DNASE1: variants seen among roughly 807,000 people sequenced by gnomAD.
The protein encoded by DNASE1 is deoxyribonuclease 1.
A neutral mutation model predicts 33.9 loss-of-function variants in DNASE1; 40 were observed. The ratio of observed to expected loss-of-function variants is 1.18; its 90% CI spans 0.92 to 1.54. The LOEUF (loss-of-function observed/expected upper bound fraction) is 1.54. DNASE1 is among the 40% of genes most tolerant of loss of function. The probability of loss-of-function intolerance (pLI) is 0.00; values close to 1 mark genes in which losing one functional copy is unlikely to be tolerated. For synonymous variants in DNASE1, 216 were observed against 160.0 expected (o/e 1.35, Z -2.64); for missense variants, 518 against 372.6 (o/e 1.39, Z -3.21).
At chr16:3,658,780 C>A, downstream of DNASE1, 1 of 1,612,874 alleles carries the variant, frequency 6.2e-7, no homozygotes, top group Non-Finnish European at 8.5e-7. Context: ...TCATCCTAAG[C>A]TGCTGCACTC....
downstream of DNASE1, chr16:3,662,332 C>T: frequency 1.5e-6 from 1 of 674,944 alleles, no homozygotes. Flanking sequence ...AGATACTGTG[C>T]CCGAGGGGCT....
upstream of DNASE1, chr16:3,652,354 C>T (rs888325454): frequency 6.6e-6 from 1 of 152,342 alleles, no homozygotes; most frequent in African/African-American, 2.4e-5. Flanking sequence ...CAGTGGCCGC[C>T]CTCTAGCTTT....
intron 1 of DNASE1, among the ~76,000 whole-genome samples, chr16:3,614,913 C>G (rs752745720): frequency 6.6e-6 from 1 of 152,166 alleles, no homozygotes; most frequent in African/African-American, 2.4e-5. Flanking sequence ...ATTTAAATCT[C>G]TTAGAGTCCT....
intron 1 of DNASE1, among the ~76,000 whole-genome samples, chr16:3,617,084 G>A (rs1009021669): frequency 3.9e-5 from 6 of 152,026 alleles, no homozygotes; most frequent in South Asian, 2.1e-4. Flanking sequence ...GCTCACCCCT[G>A]TAATCCCAGC....
chr16:3,626,389 G>A (rs1322736704), intron 1 of DNASE1, among the ~76,000 whole-genome samples: 1 of 152,126 alleles, frequency 6.6e-6, no homozygotes, highest in African/African-American at 2.4e-5. Context: ...TCCTGTTTGA[G>A]CCATGGTTAT....
intron 1 of DNASE1, among the ~76,000 whole-genome samples, chr16:3,646,163 C>A (rs980783923): frequency 6.6e-6 from 1 of 152,272 alleles, no homozygotes; most frequent in South Asian, 2.1e-4. Context: ...GTCCAAGTGC[C>A]ACCTGGATGC....
chr16:3,632,182 A>G (rs1196165722), intron 1 of DNASE1, among the ~76,000 whole-genome samples: 1 of 152,198 alleles, frequency 6.6e-6, no homozygotes, highest in Non-Finnish European at 1.5e-5. Flanking sequence ...AGGAATGTGT[A>G]TCCTGCTGCT....
intron 1 of DNASE1, among the ~76,000 whole-genome samples, chr16:3,615,364 C>T (rs907245538): frequency 3.3e-5 from 5 of 152,160 alleles, no homozygotes; most frequent in Admixed American, 3.3e-4. Context: ...CAATGGCAGC[C>T]ACCTTGTCCT....
chr16:3,649,679 A>G (rs2042274180), intron 1 of DNASE1, among the ~76,000 whole-genome samples: 1 of 152,228 alleles, frequency 6.6e-6, no homozygotes, highest in Non-Finnish European at 1.5e-5. Context: ...AATTATTTTA[A>G]TAGTAAGCCA....
intron 1 of DNASE1, among the ~76,000 whole-genome samples, chr16:3,628,185 T>A (rs2041581464): frequency 6.6e-6 from 1 of 152,158 alleles, no homozygotes; most frequent in South Asian, 2.1e-4. Flanking sequence ...AGGTATTTTA[T>A]TCTTTTTAAT....
chr16:3,661,982 C>A, downstream of DNASE1: 3 of 1,598,112 alleles, frequency 1.9e-6, no homozygotes, highest in Non-Finnish European at 2.6e-6. Context: ...GGAGCGTGGC[C>A]TCACCTGGGG....
intron 1 of DNASE1, among the ~76,000 whole-genome samples, chr16:3,628,519 T>G (rs1264984053): frequency 1.3e-5 from 2 of 152,168 alleles, no homozygotes; most frequent in Non-Finnish European, 2.9e-5. Flanking sequence ...AGTCATTCAC[T>G]ATTGAGTATG....
chr16:3,613,908 A>ATTTTTT lies in DNASE1; in HGVS notation c.-1359+1920_-1359+1925dup, dbSNP rs200976238. 2.6e-3 allele frequency among the ~76,000 whole-genome samples: 289 copies of ATTTTTT among 113,106 alleles called. 1 individual carries two copies. The highest frequency in any genetic ancestry group is 6.0e-3 in the African/African-American group (161 of 26,736). 74.2% of individuals were successfully genotyped at this position (113,106 alleles called of 152,430 possible). On this transcript the variant is annotated intron_variant and NMD_transcript_variant, in intron 1 of 11. Coordinates refer to the DNASE1 transcript ENST00000570769. The stretch of plus-strand genomic sequence containing the variant: ...AGGCGCCCGCAACCGCGCCTGGCTA[A>ATTTTTT]TTTTTTTTTTTTTTTTTTTTTTTGG...
At chr16:3,641,180 A>G, upstream of DNASE1, 1 of 383,578 alleles carries the variant, frequency 2.6e-6, no homozygotes. Flanking sequence ...GGCCCTGACC[A>G]GCAGCCACCC....
At chr16:3,640,232 T>A (rs981436854), upstream of DNASE1, among the ~76,000 whole-genome samples, 1 of 152,196 alleles carries the variant, frequency 6.6e-6, no homozygotes, top group Non-Finnish European at 1.5e-5. Context: ...CATATAGTTT[T>A]TCTCACCCAG....
At chr16:3,664,862 C>T (rs1392253849) in exon 10 of DNASE1, 4 of 182,086 alleles carry the variant, frequency 2.2e-5, no homozygotes, top group Non-Finnish European at 4.6e-5. Flanking sequence ...TCACAGCTGG[C>T]TATGGCAGAG....
chr16:3,624,416 C>A (rs938055616), intron 1 of DNASE1, among the ~76,000 whole-genome samples: 1 of 152,174 alleles, frequency 6.6e-6, no homozygotes, highest in African/African-American at 2.4e-5. Context: ...GCGTAAGGCA[C>A]CTGGTGGTGC....
intron 1 of DNASE1, among the ~76,000 whole-genome samples, chr16:3,636,647 C>G (rs978658886): frequency 1.4e-4 from 21 of 151,390 alleles, no homozygotes; most frequent in Admixed American, 6.6e-4. Flanking sequence ...CGTAGAGACC[C>G]CGTCTCTACT....
chr16:3,627,411 A>G (rs921817641), intron 1 of DNASE1, among the ~76,000 whole-genome samples: 1 of 151,730 alleles, frequency 6.6e-6, no homozygotes, highest in Non-Finnish European at 1.5e-5. Flanking sequence ...GTATGGGACT[A>G]TGGGTGTGTG....
Sources: gnomAD v4.1 joint callset for allele counts (sites outside exome capture counted in the v4.1 genomes callset) on GRCh38, gnomAD v4.1.1 for gene constraint, MANE v1.5 for transcripts, NCBI Gene and HGNC (gene_info 2026-07-23, HGNC 2026-07-21) for gene names.